Variants in NDUFA8 observed in about 807,000 individuals in gnomAD.
NDUFA8 encodes NADH:ubiquinone oxidoreductase subunit A8, also known as NADH dehydrogenase [ubiquinone] 1 alpha subcomplex subunit 8.
In NDUFA8, 16 loss-of-function variants were observed where a neutral mutation model predicts 20.9. The observed-to-expected ratio is 0.77, with a 90% CI of 0.52 to 1.16. The LOEUF is 1.16. Ranked by LOEUF, NDUFA8 falls within the 50% of genes most tolerant of loss-of-function variation. NDUFA8 has a pLI of 0.00. For missense variants in NDUFA8, 202 were observed against 216.4 expected (o/e 0.93, Z 0.42); for synonymous variants, 70 against 76.1 (o/e 0.92, Z 0.41).
At chr9:122,133,229 T>C in the NDUFA8 span, among the ~76,000 whole-genome samples, 1 of 152,192 alleles carries the variant, frequency 6.6e-6, no homozygotes, top group Non-Finnish European at 1.5e-5. Context: ...TGATTTCTGC[T>C]TTACCTAATT....
At chr9:122,147,654 G>A (rs577782823) in intron 3 of NDUFA8, among the ~76,000 whole-genome samples, 4 of 117,430 alleles carry the variant, frequency 3.4e-5, no homozygotes, top group South Asian at 5.2e-4. Context: ...ACGGAGTCTC[G>A]CTCTGTTGCC....
Position 122,144,198 on chromosome 9 carries a change from C to T in NDUFA8, c.*43G>A, listed in dbSNP as rs371575028. ...AAACCGCATGGGCGTTTTCATCAGT[C>T]GTTGTCTGAGCACATGACCGAGTGT... On this transcript the variant is annotated 3_prime_UTR_variant, in exon 4 of 4. Transcript: ENST00000373768. 3.0e-5 allele frequency: 49 copies of T among 1,612,384 alleles called. No homozygotes were observed. The highest frequency in any genetic ancestry group is 2.7e-4 in the African/African-American group (20 of 74,886).
intron 1 of NDUFA8, among the ~76,000 whole-genome samples, chr9:122,153,092 T>C (rs527730142): frequency 3.9e-4 from 59 of 152,046 alleles, no homozygotes; most frequent in African/African-American, 1.3e-3. Context: ...TGGTGAAAGC[T>C]TGTCTTTAGT....
chr9:122,147,422 A>G (rs766338574), intron 3 of NDUFA8, among the ~76,000 whole-genome samples: 6 of 152,208 alleles, frequency 3.9e-5, no homozygotes, highest in Non-Finnish European at 8.8e-5. Context: ...TAGTTTTAAA[A>G]AAAAAATCTT....
At chr9:122,143,980 GACC>G, downstream of NDUFA8, 1 of 1,060,188 alleles carries the variant, frequency 9.4e-7, no homozygotes, top group Non-Finnish European at 1.3e-6. Flanking sequence ...GAACAGGCAG[GACC>G]ACAAGAAGAA....
At chr9:122,148,045 T>G in intron 3 of NDUFA8, 67 bp downstream of exon 3, 1 of 1,597,356 alleles carries the variant, frequency 6.3e-7, no homozygotes, top group Non-Finnish European at 8.6e-7. Context: ...GACCCTTTGC[T>G]GACCACCTCC....
intron 3 of NDUFA8, among the ~76,000 whole-genome samples, chr9:122,147,617 A>ATTTTTTT (rs34576446): frequency 1.6e-4 from 17 of 106,772 alleles, no homozygotes; most frequent in East Asian, 2.5e-4. Context: ...GCCTAAAGAA[A>ATTTTTTT]TTTTTTTTTT....
chr9:122,154,481 T>C (rs538892722), intron 1 of NDUFA8, among the ~76,000 whole-genome samples: 3 of 152,386 alleles, frequency 2.0e-5, no homozygotes, highest in East Asian at 1.9e-4. Context: ...CTAAATAGGA[T>C]AGTTTTTCTA....
downstream of NDUFA8, among the ~76,000 whole-genome samples, chr9:122,142,354 C>G (rs1556215): frequency 0.98 from 149,494 of 152,308 alleles, 73,375 homozygotes; most frequent in East Asian, 1. Flanking sequence ...ATCAGTATGT[C>G]GTTCTACACC....
chr9:122,149,901 G>A (rs954654579), intron 2 of NDUFA8, among the ~76,000 whole-genome samples: 4 of 151,734 alleles, frequency 2.6e-5, no homozygotes, highest in Non-Finnish European at 4.4e-5. Context: ...AGGTTGCAGC[G>A]AACAAAGATC....
chr9:122,135,947 G>A, the NDUFA8 span, among the ~76,000 whole-genome samples: 1 of 152,166 alleles, frequency 6.6e-6, no homozygotes, highest in Non-Finnish European at 1.5e-5. Context: ...TCCCTGCCTT[G>A]AGAAGCTCAA....
At chr9:122,140,105 G>C (rs1298715845), downstream of NDUFA8, among the ~76,000 whole-genome samples, 1 of 152,220 alleles carries the variant, frequency 6.6e-6, no homozygotes, top group Non-Finnish European at 1.5e-5. Flanking sequence ...ACTTTTGAAG[G>C]ACAAGCACAC....
At chr9:122,136,672 T>C in the NDUFA8 span, among the ~76,000 whole-genome samples, 1 of 152,158 alleles carries the variant, frequency 6.6e-6, no homozygotes, top group African/African-American at 2.4e-5. Context: ...TTCTCCTGCC[T>C]TAGCCTCCTG....
chr9:122,142,091 G>A (rs568041942), downstream of NDUFA8, among the ~76,000 whole-genome samples: 3 of 152,294 alleles, frequency 2.0e-5, no homozygotes, highest in South Asian at 4.1e-4. Flanking sequence ...TCAGAAAGAC[G>A]GTATGGTTTA....
chr9:122,132,880 G>A, the NDUFA8 span: 5 of 455,474 alleles, frequency 1.1e-5, no homozygotes, highest in South Asian at 3.1e-5. Context: ...TAGAAGTGTC[G>A]TTGTTCTCCC....
chr9:122,151,075 C>T (rs1322061474), intron 2 of NDUFA8, among the ~76,000 whole-genome samples: 1 of 149,710 alleles, frequency 6.7e-6, no homozygotes. Flanking sequence ...TCAATGTATA[C>T]ATACTATGAT....
chr9:122,154,770 TATA>T (rs1224641348), intron 1 of NDUFA8, among the ~76,000 whole-genome samples: 1 of 152,214 alleles, frequency 6.6e-6, no homozygotes, highest in Non-Finnish European at 1.5e-5. Context: ...GCAAGTTTGG[TATA>T]ATATTTGCTG....
rs368328549 is a variant in NDUFA8, at chr9:122,156,478, TAATA to T, written c.51+3145_51+3148del. ...GAACTGTTATGAAGATTAAATGAGT[TAATA>T]TATATAAAAATAATAAGAACAGTGC... On this transcript the variant is annotated intron_variant, in intron 1 of 3. Coordinates refer to ENST00000373768, the MANE Select transcript of NDUFA8 (RefSeq NM_014222.3). 9.6e-4 allele frequency among the ~76,000 whole-genome samples: 146 copies of T among 152,338 alleles called. 2 individuals are homozygous for T. Among genetic ancestry groups the T allele is most frequent in the African/African-American group, 3.4e-3 (140 of 41,568 alleles).
chr9:122,158,210 C>T (rs952010767), intron 1 of NDUFA8, among the ~76,000 whole-genome samples: 2 of 152,112 alleles, frequency 1.3e-5, no homozygotes, highest in Non-Finnish European at 2.9e-5. Flanking sequence ...ATTGCTGGTA[C>T]ATCATTTCTA....
Sources: gnomAD v4.1 joint callset for allele counts (sites outside exome capture counted in the v4.1 genomes callset) on GRCh38, gnomAD v4.1.1 for gene constraint, MANE v1.5 for transcripts, NCBI Gene and HGNC (gene_info 2026-07-23, HGNC 2026-07-21) for gene names.